The following ELP4 variants were observed in gnomAD, a reference collection of about 807,000 sequenced individuals.
ELP4 encodes the protein elongator acetyltransferase complex subunit 4, also known as elongator complex protein 4.
ELP4 carries 51 observed loss-of-function variants against 48.9 expected under a neutral mutation model. The ratio of observed to expected loss-of-function variants is 1.04; its 90% CI spans 0.83 to 1.32. ELP4 has a LOEUF of 1.32. Ranked by LOEUF, ELP4 falls within the 40% of genes most tolerant of loss-of-function variation. The pLI is 0.00. For missense variants in ELP4, 519 were observed against 514.6 expected, an observed-to-expected ratio of 1.01 and a Z score of -0.08; for synonymous variants, 210 against 189.2, an observed-to-expected ratio of 1.11 and a Z score of -0.90.
chr11:31,739,373 T>C (rs1430858986), intron 9 of ELP4, among the ~76,000 whole-genome samples: 2 of 152,194 alleles, frequency 1.3e-5, no homozygotes, highest in East Asian at 3.9e-4. Context: ...TGTGGATCTA[T>C]GTTGTATAGC....
At chr11:31,771,122 A>G (rs1285275312) in intron 9 of ELP4, among the ~76,000 whole-genome samples, 1 of 152,092 alleles carries the variant, frequency 6.6e-6, no homozygotes, top group African/African-American at 2.4e-5. Context: ...CTTCATGGAC[A>G]TTTCACACAA....
chr11:31,533,897 G>A (rs1434372513), intron 2 of ELP4, among the ~76,000 whole-genome samples: 2 of 151,878 alleles, frequency 1.3e-5, no homozygotes. Flanking sequence ...GTGCAGTGGA[G>A]CGATCTCGGC....
chr11:31,757,859 T>C (rs1947863908), intron 9 of ELP4, among the ~76,000 whole-genome samples: 1 of 152,202 alleles, frequency 6.6e-6, no homozygotes, highest in Non-Finnish European at 1.5e-5. Context: ...TATTTCTATA[T>C]AAATGTGTGC....
chr11:31,586,964 T>C (rs1340559434), intron 3 of ELP4, among the ~76,000 whole-genome samples: 1 of 152,116 alleles, frequency 6.6e-6, no homozygotes, highest in Non-Finnish European at 1.5e-5. Context: ...ATGAAGAAAC[T>C]CCATGATCTC....
chr11:31,764,317 C>T (rs1948003825), intron 9 of ELP4, among the ~76,000 whole-genome samples: 1 of 152,160 alleles, frequency 6.6e-6, no homozygotes, highest in Non-Finnish European at 1.5e-5. Context: ...CTCTGCCGAC[C>T]AGTATAATCT....
chr11:31,568,974 A>G (rs1345532113), intron 3 of ELP4, among the ~76,000 whole-genome samples: 2 of 151,886 alleles, frequency 1.3e-5, no homozygotes, highest in East Asian at 3.9e-4. Context: ...AATTCCAGCT[A>G]CCCTGGAAGC....
chr11:31,673,990 G>T (rs1328589458), intron 9 of ELP4, among the ~76,000 whole-genome samples: 1 of 152,186 alleles, frequency 6.6e-6, no homozygotes, highest in Non-Finnish European at 1.5e-5. Context: ...CTGCTTGCTT[G>T]TTAAGATATA....
chr11:31,652,928 T>A (rs1174397915), intron 9 of ELP4: 2 of 151,692 alleles, frequency 1.3e-5, no homozygotes, highest in East Asian at 1.9e-4. Context: ...AACTTTTTTT[T>A]AATTTGTTAA....
intron 9 of ELP4, among the ~76,000 whole-genome samples, chr11:31,739,799 T>A (rs1947406384): frequency 6.6e-6 from 1 of 152,194 alleles, no homozygotes; most frequent in African/African-American, 2.4e-5. Flanking sequence ...CACACAATTG[T>A]CAGACCACAA....
At chr11:31,575,847 T>A (rs186022847) in intron 3 of ELP4, among the ~76,000 whole-genome samples, 3 of 152,258 alleles carry the variant, frequency 2.0e-5, no homozygotes, top group African/African-American at 4.8e-5. Flanking sequence ...TGCCAAATTG[T>A]AAAGACCACC....
intron 3 of ELP4, among the ~76,000 whole-genome samples, chr11:31,560,533 C>A (rs1475686194): frequency 6.6e-6 from 1 of 151,500 alleles, no homozygotes. Flanking sequence ...TTAATATATA[C>A]CCCTATACAG....
At chr11:31,533,645 C>T (rs1438598743) in intron 2 of ELP4, among the ~76,000 whole-genome samples, 1 of 151,480 alleles carries the variant, frequency 6.6e-6, no homozygotes, top group Non-Finnish European at 1.5e-5. Flanking sequence ...GCCTTGGCCT[C>T]CCAAAGTGCT....
At chr11:31,510,580 G>A in intron 1 of ELP4, 1 of 393,744 alleles carries the variant, frequency 2.5e-6, no homozygotes, top group Non-Finnish European at 4.5e-6. Flanking sequence ...TGAGCCTGTC[G>A]TTGATATTTA....
intron 3 of ELP4, among the ~76,000 whole-genome samples, chr11:31,546,570 G>A (rs1489447312): frequency 2.0e-5 from 3 of 152,110 alleles, no homozygotes; most frequent in Non-Finnish European, 4.4e-5. Flanking sequence ...ACATTAGACA[G>A]ATCAACGAGA....
rs554756268 is a variant in ELP4, at chr11:31,763,692, A to G, written c.1144-19701A>G. On this transcript the variant is annotated intron_variant, in intron 9 of 9. Transcript: ENST00000640961. ...CTTTTTACCAAAGATTAAACTTTAC[A>G]GCTAAAACTGCAACCAACATGAGTA... 4 of 873,650 alleles carry G rather than the reference A, an allele frequency of 4.6e-6. No individual in the cohort carries two copies. In the African/African-American group the frequency reaches 6.9e-5, roughly 15 times the overall value. The allele number at this position is 873,650 out of a possible 1,614,324, so 54.1% of individuals were successfully genotyped here.
Position 31,509,945 on chromosome 11 carries a change from C to T in ELP4, c.161C>T (p.Pro54Leu), listed in dbSNP as rs1373447809. The T allele has an allele frequency of 1.9e-6, 3 of 1,613,338 alleles. No individual in the cohort carries two copies. Among genetic ancestry groups the T allele is most frequent in the East Asian group, 2.2e-5 (1 of 44,882 alleles). Residue 54 changes from proline (P) to leucine (L), a missense_variant, in exon 1 of 10, where the codon CCG becomes CTG. Transcript: ENST00000640961. ...PRLVSIAGTR[P>L]SVRNGQLLVS... The stretch of plus-strand genomic sequence containing the variant: ...CTGGTGTCCATTGCGGGCACGCGAC[C>T]GTCGGTGCGGAATGGACAGCTGCTG...
chr11:31,566,534 T>C (rs1041500782), intron 3 of ELP4, among the ~76,000 whole-genome samples: 2 of 152,204 alleles, frequency 1.3e-5, no homozygotes, highest in Non-Finnish European at 2.9e-5. Context: ...TACCAGGTAG[T>C]CACATAGGTC....
chr11:31,737,350 G>A (rs1947342713), intron 9 of ELP4, among the ~76,000 whole-genome samples: 1 of 152,012 alleles, frequency 6.6e-6, no homozygotes, highest in African/African-American at 2.4e-5. Context: ...GATAGCATTA[G>A]GAGATATACC....
intron 1 of ELP4, among the ~76,000 whole-genome samples, chr11:31,518,903 A>G (rs1216725141): frequency 6.6e-6 from 1 of 151,544 alleles, no homozygotes; most frequent in African/African-American, 2.4e-5. Context: ...CTCAAAAAAA[A>G]AAAAAAAAAA....
Sources: allele counts gnomAD v4.1 joint callset (sites outside exome capture counted in the v4.1 genomes callset), GRCh38; gene constraint gnomAD v4.1.1; transcripts MANE v1.5; gene names NCBI Gene and HGNC (gene_info 2026-07-23, HGNC 2026-07-21).